ITGA8: variants seen among roughly 807,000 people sequenced by gnomAD.
ITGA8 encodes integrin subunit alpha 8, also known as integrin alpha-8.
A neutral mutation model predicts 142.3 loss-of-function variants in ITGA8; 91 were observed. The observed-to-expected ratio is 0.64, with a 90% CI of 0.54 to 0.76. The LOEUF (loss-of-function observed/expected upper bound fraction) is 0.76. Ranked by LOEUF, ITGA8 falls within the 30% of genes least tolerant of loss-of-function variation. ITGA8 has a pLI of 0.00. For missense variants in ITGA8, 1,406 were observed against 1,327.7 expected (o/e 1.06, Z -0.92); for synonymous variants, 505 against 485.2 (o/e 1.04, Z -0.54).
chr10:15,666,610 A>T (rs1185606898), intron 8 of ITGA8, among the ~76,000 whole-genome samples: 7 of 152,144 alleles, frequency 4.6e-5, no homozygotes, highest in Non-Finnish European at 1.0e-4. Flanking sequence ...TTTCAAAGGG[A>T]ATGCTTCCAG....
intron 13 of ITGA8, among the ~76,000 whole-genome samples, chr10:15,625,954 A>T (rs756447662): frequency 6.6e-6 from 1 of 152,236 alleles, no homozygotes; most frequent in Admixed American, 6.5e-5. Context: ...CATCTGTGCC[A>T]ATAAGAAAAG....
At chr10:15,701,449 CT>C (rs1475066551) in intron 2 of ITGA8, among the ~76,000 whole-genome samples, 1 of 151,932 alleles carries the variant, frequency 6.6e-6, no homozygotes, top group African/African-American at 2.4e-5. Flanking sequence ...CATTTCTGGC[CT>C]TTGAAGCTAT....
At chr10:15,529,710 T>G (rs1833252675) in intron 28 of ITGA8, among the ~76,000 whole-genome samples, 1 of 152,240 alleles carries the variant, frequency 6.6e-6, no homozygotes, top group African/African-American at 2.4e-5. Context: ...TTTAGATCAC[T>G]GAAAGTAGAC....
intron 4 of ITGA8, among the ~76,000 whole-genome samples, chr10:15,682,119 A>G (rs1205907617): frequency 6.6e-6 from 1 of 152,136 alleles, no homozygotes; most frequent in Non-Finnish European, 1.5e-5. Flanking sequence ...CTTGTCTAAA[A>G]TGCTGCTCCT....
intron 21 of ITGA8, among the ~76,000 whole-genome samples, chr10:15,593,397 G>A (rs1192733463): frequency 1.3e-5 from 2 of 152,128 alleles, no homozygotes; most frequent in Non-Finnish European, 2.9e-5. Flanking sequence ...AGCACTCTGG[G>A]GTAGGAGCTG....
chr10:15,658,411 C>T (rs1011755058), intron 10 of ITGA8, among the ~76,000 whole-genome samples: 11 of 152,198 alleles, frequency 7.2e-5, no homozygotes, highest in East Asian at 3.9e-4. Flanking sequence ...TCCCAAACAC[C>T]GCCCACCTCC....
At chr10:15,625,120 A>G (rs1833558376) in intron 13 of ITGA8, among the ~76,000 whole-genome samples, 1 of 152,206 alleles carries the variant, frequency 6.6e-6, no homozygotes, top group Admixed American at 6.5e-5. Context: ...AGAAAGTAAT[A>G]ATCCTAACAA....
At chr10:15,649,064 C>T (rs1044122533) in intron 11 of ITGA8, among the ~76,000 whole-genome samples, 2 of 151,996 alleles carry the variant, frequency 1.3e-5, no homozygotes, top group Non-Finnish European at 2.9e-5. Flanking sequence ...TGGGTGGGAT[C>T]CCAAGGTGGG....
At position 15,701,377 on chromosome 10, in the gene ITGA8, G is replaced by C. The variant is rs139493898; in HGVS notation, c.344-13339C>G. 8.7e-3 allele frequency among the ~76,000 whole-genome samples: 1,326 copies of C among 152,284 alleles called. 18 individuals are homozygous for C. Among genetic ancestry groups the C allele is most frequent in the African/African-American group, 0.03 (1,252 of 41,550 alleles). On this transcript the variant is annotated intron_variant, in intron 2 of 29. Coordinates refer to ENST00000378076, the MANE Select transcript of ITGA8 (RefSeq NM_003638.3). ...AAACCTAAAGATAAACTGAAAAGATGTATAAGTCAACCCGGGAACTTTAGA... is the reference window on the plus strand; with the variant it reads ...AAACCTAAAGATAAACTGAAAAGATCTATAAGTCAACCCGGGAACTTTAGA...
chr10:15,597,980 G>A (rs1433210617), intron 20 of ITGA8, among the ~76,000 whole-genome samples: 1 of 152,254 alleles, frequency 6.6e-6, no homozygotes, highest in African/African-American at 2.4e-5. Flanking sequence ...ATACAGATTT[G>A]TTCTGGAACA....
chr10:15,692,545 C>T (rs1334496789), intron 2 of ITGA8, among the ~76,000 whole-genome samples: 1 of 152,146 alleles, frequency 6.6e-6, no homozygotes, highest in Non-Finnish European at 1.5e-5. Context: ...TAGTGAAACA[C>T]ATGGGATTCT....
At chr10:15,684,162 G>A (rs7069224) in intron 3 of ITGA8, 35 bp from the exon 4 acceptor site, 2 of 1,592,674 alleles carry the variant, frequency 1.3e-6, no homozygotes, top group African/African-American at 1.4e-5. Flanking sequence ...ATACATTTTT[G>A]ATGTAGGTTT....
At chr10:15,710,378 T>C (rs1206307192) in intron 2 of ITGA8, among the ~76,000 whole-genome samples, 1 of 152,222 alleles carries the variant, frequency 6.6e-6, no homozygotes, top group South Asian at 2.1e-4. Context: ...TACCCACAAA[T>C]AGGCTGTTCA....
At chr10:15,640,220 GC>G (rs1833846029) in intron 13 of ITGA8, among the ~76,000 whole-genome samples, 1 of 152,166 alleles carries the variant, frequency 6.6e-6, no homozygotes, top group Non-Finnish European at 1.5e-5. Context: ...CCCCTCTACG[GC>G]CCGTGTTCCA....
Position 15,629,454 on chromosome 10 carries a change from A to G in ITGA8, c.1400-12895T>C, listed in dbSNP as rs530303021. Among the ~76,000 whole-genome samples the G allele has an allele frequency of 3.6e-4, 55 of 152,130 alleles. 3 individuals carry two copies. The highest frequency in any genetic ancestry group is 1.3e-3 in the African/African-American group (52 of 41,412). ...ATCTATGTTATCTTATATGAAAGGC[A>G]GGCTCCCTGCATTTTTCCTCTGCCC... On this transcript the variant is annotated intron_variant, in intron 13 of 29. Transcript: ENST00000378076.
chr10:15,593,342 G>A (rs1220257758), intron 21 of ITGA8, among the ~76,000 whole-genome samples: 1 of 152,138 alleles, frequency 6.6e-6, no homozygotes, highest in Non-Finnish European at 1.5e-5. Flanking sequence ...ACTCTTCCAA[G>A]CACTGTACTA....
intron 25 of ITGA8, among the ~76,000 whole-genome samples, chr10:15,564,752 A>G (rs895584975): frequency 2.6e-5 from 4 of 152,228 alleles, no homozygotes; most frequent in African/African-American, 9.6e-5. Flanking sequence ...AACCCAAACA[A>G]AAGCAATGCA....
chr10:15,541,296 G>A (rs1257844052), intron 27 of ITGA8, among the ~76,000 whole-genome samples: 1 of 152,188 alleles, frequency 6.6e-6, no homozygotes, highest in African/African-American at 2.4e-5. Flanking sequence ...TCTGAATGAA[G>A]CCAAGAATGC....
chr10:15,554,252 T>G (rs1833844841), intron 26 of ITGA8, among the ~76,000 whole-genome samples: 1 of 152,218 alleles, frequency 6.6e-6, no homozygotes, highest in Non-Finnish European at 1.5e-5. Context: ...TAAAAACTCA[T>G]GAGCCTTCTC....
Sources: gnomAD v4.1 joint callset for allele counts (sites outside exome capture counted in the v4.1 genomes callset) on GRCh38, gnomAD v4.1.1 for gene constraint, MANE v1.5 for transcripts, NCBI Gene and HGNC (gene_info 2026-07-23, HGNC 2026-07-21) for gene names.